Variants in ACOT1 observed in about 807,000 individuals in gnomAD.
The protein encoded by ACOT1 is acyl-CoA thioesterase 1, also known as acyl-coenzyme A thioesterase 1.
Under a neutral mutation model 15.7 loss-of-function variants are expected in ACOT1, and 8 were observed. The ratio of observed to expected loss-of-function variants is 0.51; its 90% CI spans 0.30 to 0.92. The LOEUF (loss-of-function observed/expected upper bound fraction) is 0.92. Among genes scored for constraint, ACOT1 ranks in the 40% least tolerant of loss-of-function variants. The pLI is 0.06. For missense variants in ACOT1, 151 were observed against 539.4 expected (o/e 0.28, Z 7.13); for synonymous variants, 67 against 241.2 (o/e 0.28, Z 6.69).
chr14:73,519,127 C>G, the ACOT1 span: 1 of 1,613,808 alleles, frequency 6.2e-7, no homozygotes, highest in Non-Finnish European at 8.5e-7. Flanking sequence ...AATCTGGTCT[C>G]TCTTTGCACC....
the ACOT1 span, among the ~76,000 whole-genome samples, chr14:73,526,879 G>C: frequency 5.5e-4 from 83 of 152,204 alleles, no homozygotes; most frequent in Middle Eastern, 6.8e-3. Context: ...ACTGCCATCT[G>C]TGGTGGCCAT....
At chr14:73,501,346 T>G in the ACOT1 span, among the ~76,000 whole-genome samples, 3 of 151,986 alleles carry the variant, frequency 2.0e-5, no homozygotes, top group South Asian at 6.2e-4. Flanking sequence ...AGGATGGTCT[T>G]GATCTCCTGA....
the ACOT1 span, chr14:73,499,014 C>T: frequency 2.1e-6 from 3 of 1,462,776 alleles, no homozygotes; most frequent in Middle Eastern, 1.7e-4. Flanking sequence ...ATCATTTCTA[C>T]TTGCATAGGC....
the ACOT1 span, chr14:73,519,044 C>T: frequency 5.0e-6 from 8 of 1,613,446 alleles, no homozygotes; most frequent in African/African-American, 9.3e-5. Flanking sequence ...ATTGCCTGGG[C>T]ACTCCACTTT....
At chr14:73,491,503 G>A in the ACOT1 span, 2 of 1,513,664 alleles carry the variant, frequency 1.3e-6, no homozygotes, top group Non-Finnish European at 1.8e-6. Flanking sequence ...AGTCGTCCGG[G>A]GCCCCTGCGA....
the ACOT1 span, chr14:73,508,348 A>T: frequency 2.6e-6 from 4 of 1,562,234 alleles, no homozygotes; most frequent in Non-Finnish European, 2.6e-6. Flanking sequence ...TTCCCCCTAG[A>T]GAACAGCCTT....
chr14:73,541,646 A>G lies in ACOT1; in HGVS notation c.611A>G (p.His204Arg). 8.0e-7 allele frequency: 1 copy of G among 1,243,314 alleles called. No individual in the cohort carries two copies. Among genetic ancestry groups the G allele is most frequent in the Non-Finnish European group, 1.1e-6 (1 of 935,982 alleles). 77.0% of individuals were successfully genotyped at this position (1,243,314 alleles called of 1,614,324 possible). The change falls in exon 2 of 3, where the codon CAT (histidine) becomes CGT (arginine). Residue 204 changes from histidine (H) to arginine (R), a missense_variant. Physicochemically the swap from His to Arg is conservative, Grantham distance 29 (BLOSUM62 0). Coordinates refer to ENST00000311148, the MANE Select transcript of ACOT1 (RefSeq NM_001037161.2). ...EDLPKTMETL[H>R]LEYFEEAVNY... ...CTCCCCAAGACCATGGAGACGCTCC[A>G]TCTGGAGTACTTTGAAGAAGCTGTG...
At chr14:73,515,378 A>G in the ACOT1 span, among the ~76,000 whole-genome samples, 1 of 151,958 alleles carries the variant, frequency 6.6e-6, no homozygotes, top group Admixed American at 6.6e-5. Context: ...CTTTCTTCTA[A>G]TGTAAAAAGA....
At chr14:73,524,758 C>T in the ACOT1 span, among the ~76,000 whole-genome samples, 1 of 151,456 alleles carries the variant, frequency 6.6e-6, no homozygotes, top group Admixed American at 6.6e-5. Context: ...GTTGGCCTTG[C>T]CTCTCCAAGG....
chr14:73,490,989 C>G, the ACOT1 span: 16 of 1,337,246 alleles, frequency 1.2e-5, no homozygotes, highest in East Asian at 3.0e-5. Context: ...CCCGGCCGGC[C>G]GGGCGGGGAA....
the ACOT1 span, chr14:73,513,918 A>C: frequency 9.0e-7 from 1 of 1,116,670 alleles, no homozygotes; most frequent in Non-Finnish European, 1.3e-6. Context: ...AGGCAACCAG[A>C]TTTTTACATT....
At chr14:73,538,925 G>A (rs1182217489) in intron 1 of ACOT1, among the ~76,000 whole-genome samples, 1 of 113,822 alleles carries the variant, frequency 8.8e-6, no homozygotes, top group African/African-American at 2.9e-5. Context: ...CCGAGATCAC[G>A]CCATTGTACT....
the ACOT1 span, among the ~76,000 whole-genome samples, chr14:73,524,310 A>AAAAAAAAAAAAATATATATATAT: frequency 1.8e-5 from 1 of 54,778 alleles, no homozygotes; most frequent in Non-Finnish European, 3.1e-5. Flanking sequence ...AAAAAAAAAA[A>AAAAAAAAAAAAATATATATATAT]ATATATATAT....
At chr14:73,497,455 T>C in the ACOT1 span, among the ~76,000 whole-genome samples, 1 of 152,200 alleles carries the variant, frequency 6.6e-6, no homozygotes, top group African/African-American at 2.4e-5. Flanking sequence ...GACTATCACC[T>C]GCATTTGATA....
the ACOT1 span, among the ~76,000 whole-genome samples, chr14:73,508,751 CAAAAAAAAA>C: frequency 1.2e-4 from 7 of 57,882 alleles, no homozygotes; most frequent in African/African-American, 4.6e-4. Flanking sequence ...AACTCTGTCT[CAAAAAAAAA>C]AAAAAAAAAA....
the ACOT1 span, among the ~76,000 whole-genome samples, chr14:73,500,123 A>G: frequency 1.3e-5 from 2 of 152,010 alleles, no homozygotes; most frequent in African/African-American, 2.4e-5. Context: ...CCAGCTACAC[A>G]GGAGGCTGAG....
chr14:73,533,210 G>A, upstream of ACOT1, among the ~76,000 whole-genome samples: 2 of 113,382 alleles, frequency 1.8e-5, 1 homozygote, highest in Non-Finnish European at 3.8e-5. Flanking sequence ...CTACTTCTGG[G>A]TACATATCCA....
At chr14:73,499,074 G>A in the ACOT1 span, 2,896 of 1,613,726 alleles carry the variant, frequency 1.8e-3, 52 homozygotes, top group African/African-American at 0.035. Context: ...ATAATACCTC[G>A]AATGGCAAAG....
chr14:73,510,671 G>C, the ACOT1 span, among the ~76,000 whole-genome samples: 1 of 152,010 alleles, frequency 6.6e-6, no homozygotes, highest in Non-Finnish European at 1.5e-5. Flanking sequence ...CTTGACTTCA[G>C]GTGATCCACC....
Sources: gnomAD v4.1 joint callset for allele counts (sites outside exome capture counted in the v4.1 genomes callset) on GRCh38, gnomAD v4.1.1 for gene constraint, MANE v1.5 for transcripts, NCBI Gene and HGNC (gene_info 2026-07-23, HGNC 2026-07-21) for gene names.